The following WWP2 variants were observed in gnomAD, a reference collection of about 807,000 sequenced individuals.
WWP2 encodes WW domain containing E3 ubiquitin protein ligase 2, also known as NEDD4-like E3 ubiquitin-protein ligase WWP2.
Under a neutral mutation model 121.0 loss-of-function variants are expected in WWP2, and 57 were observed. That is an observed-to-expected ratio of 0.47 (90% CI 0.38 to 0.59). The LOEUF (loss-of-function observed/expected upper bound fraction) is 0.59, where lower values mean the gene tolerates loss of function less well. WWP2 is among the 20% of genes least tolerant of loss of function. The pLI is 0.00. For missense variants in WWP2, 962 were observed against 1,158.9 expected, an observed-to-expected ratio of 0.83 and a Z score of 2.47; for synonymous variants, 449 against 441.3, an observed-to-expected ratio of 1.02 and a Z score of -0.22.
At chr16:69,897,931 A>G (rs972569112) in intron 8 of WWP2, among the ~76,000 whole-genome samples, 27 of 151,964 alleles carry the variant, frequency 1.8e-4, no homozygotes, top group African/African-American at 6.5e-4. Flanking sequence ...AAAACAAAAC[A>G]AAACAAAAAA....
chr16:69,825,746 C>T (rs1212275018), intron 4 of WWP2, among the ~76,000 whole-genome samples: 1 of 151,392 alleles, frequency 6.6e-6, no homozygotes, highest in Admixed American at 6.6e-5. Context: ...CCACCTCAGC[C>T]TCCCAAGTAG....
At chr16:69,786,230 C>T (rs2055786694) in intron 1 of WWP2, 1 of 151,306 alleles carries the variant, frequency 6.6e-6, no homozygotes, top group Non-Finnish European at 1.5e-5. Context: ...CTGCACCCTC[C>T]ACCTCCCGGG....
At chr16:69,828,807 C>T (rs1021627096) in intron 4 of WWP2, among the ~76,000 whole-genome samples, 2 of 152,156 alleles carry the variant, frequency 1.3e-5, no homozygotes, top group Non-Finnish European at 2.9e-5. Flanking sequence ...ATTATTCCAT[C>T]CTCTTCTTCC....
At chr16:69,938,932 A>G (rs1441594493) in intron 21 of WWP2, 95 bp from the exon 22 acceptor site, 22 of 1,173,648 alleles carry the variant, frequency 1.9e-5, no homozygotes, top group Non-Finnish European at 2.7e-5. Flanking sequence ...TCTCAGCCCC[A>G]AAGAGGGGCC....
At chr16:69,920,833 C>T (rs527703004) in intron 10 of WWP2, among the ~76,000 whole-genome samples, 15 of 151,634 alleles carry the variant, frequency 9.9e-5, no homozygotes, top group African/African-American at 3.1e-4. Flanking sequence ...TTTTTTTTCC[C>T]TTAAAAGCCC....
In WWP2 at chr16:69,935,789, G is replaced by T; in HGVS notation, c.1843-64G>T. ...TAGCAGAGTTTGATACCGAGCATCT[G>T]AGAGCTGGTCTTGGCAGTGCCCAGG... On this transcript the variant is annotated intron_variant, in intron 17 of 23. Transcript: ENST00000359154. The surrounding 1 kb of genome is among the most constrained non-coding windows in gnomAD (Gnocchi z 5.2). The T allele has an allele frequency of 6.5e-7, 1 of 1,550,124 alleles. No individual in the cohort carries two copies. The highest frequency in any genetic ancestry group is 1.3e-5 in the South Asian group (1 of 79,524).
intron 1 of WWP2, among the ~76,000 whole-genome samples, chr16:69,769,316 C>CA (rs1186524809): frequency 0.09 from 6,844 of 76,346 alleles, 729 homozygotes; most frequent in African/African-American, 0.28. Flanking sequence ...GACTCCATCT[C>CA]AAAAAAAAAA....
intron 4 of WWP2, among the ~76,000 whole-genome samples, chr16:69,834,429 C>T (rs1001595002): frequency 6.6e-6 from 1 of 152,156 alleles, no homozygotes; most frequent in African/African-American, 2.4e-5. Flanking sequence ...CCCACATCCT[C>T]TCCCAGCTTA....
chr16:69,880,758 A>G (rs2057813256), intron 7 of WWP2, among the ~76,000 whole-genome samples: 1 of 152,176 alleles, frequency 6.6e-6, no homozygotes, highest in Admixed American at 6.5e-5. Flanking sequence ...CACGGGTGAA[A>G]GACACCAACT....
chr16:69,842,265 C>T, intron 6 of WWP2, 145 bp downstream of exon 6: 1 of 702,106 alleles, frequency 1.4e-6, no homozygotes, highest in Non-Finnish European at 2.4e-6. Context: ...GTTAAGAAAG[C>T]TAATAGAGGA....
chr16:69,839,328 G>A (rs1292637267), intron 4 of WWP2, among the ~76,000 whole-genome samples: 1 of 152,230 alleles, frequency 6.6e-6, no homozygotes, highest in Non-Finnish European at 1.5e-5. Context: ...GAAATATTCA[G>A]TGTGGACTAA....
At chr16:69,862,191 G>C (rs2057434353) in intron 6 of WWP2, among the ~76,000 whole-genome samples, 1 of 152,096 alleles carries the variant, frequency 6.6e-6, no homozygotes, top group African/African-American at 2.4e-5. Flanking sequence ...TCAGCCTCCT[G>C]AGTAGCTGGG....
At chr16:69,840,356 A>C in intron 5 of WWP2, 93 bp downstream of exon 5, 1 of 1,556,524 alleles carries the variant, frequency 6.4e-7, no homozygotes, top group African/African-American at 1.4e-5. Context: ...TTACTAGGCC[A>C]TCTTGGTTTG....
intron 4 of WWP2, among the ~76,000 whole-genome samples, chr16:69,828,555 G>A (rs903666236): frequency 1.3e-5 from 2 of 152,008 alleles, no homozygotes. Flanking sequence ...TCGTAGAGAC[G>A]GGTTTCTCCA....
At chr16:69,802,816 G>A (rs1178389997) in intron 4 of WWP2, among the ~76,000 whole-genome samples, 1 of 151,930 alleles carries the variant, frequency 6.6e-6, no homozygotes, top group Non-Finnish European at 1.5e-5. Flanking sequence ...TGTTGGCCAG[G>A]CTGGTCTCGA....
At position 69,937,662 on chromosome 16, in the gene WWP2, G is replaced by A. The variant is rs777235757; in HGVS notation, c.2343+10G>A. 1.9e-5 allele frequency: 30 copies of A among 1,613,408 alleles called. No homozygotes were observed. Among genetic ancestry groups the A allele is most frequent in the African/African-American group, 4.0e-5 (3 of 74,856 alleles). ...CCAGTGGTTCTGGCAGGTGGGTCCC[G>A]GGCCCAGGCCTTGGCAGGGACATTT... On this transcript the variant is annotated intron_variant, in intron 21 of 23. Transcript: ENST00000359154. The surrounding 1 kb of genome is among the most constrained non-coding windows in gnomAD (Gnocchi z 6.6).
intron 4 of WWP2, among the ~76,000 whole-genome samples, chr16:69,816,421 A>G (rs79319032): frequency 6.7e-6 from 1 of 148,414 alleles, no homozygotes; most frequent in African/African-American, 2.5e-5. Flanking sequence ...CCGCTCTATT[A>G]AAAAAAAATC....
intron 7 of WWP2, among the ~76,000 whole-genome samples, chr16:69,885,983 G>C (rs1051085098): frequency 6.6e-6 from 1 of 152,158 alleles, no homozygotes; most frequent in East Asian, 1.9e-4. Flanking sequence ...TCTCGAAGAG[G>C]GCAGCCAGAT....
chr16:69,937,041 C>A lies in WWP2; in HGVS notation c.2118-77C>A. 2 of 1,555,012 alleles carry A rather than the reference C, an allele frequency of 1.3e-6. No individual in the cohort carries two copies. The highest frequency in any genetic ancestry group is 2.1e-4 in the Middle Eastern group (1 of 4,692). ...CTGATCTGGTGGTCCTGCGCGGTAA[C>A]GGCCACGCGGCCTGGCCGGGAGCCA... On this transcript the variant is annotated intron_variant, in intron 19 of 23. Coordinates refer to ENST00000359154, the MANE Select transcript of WWP2 (RefSeq NM_001270454.2). This position sits in a 1 kb window ranked among gnomAD's most constrained non-coding sequence, Gnocchi z 6.6.
Sources: allele counts gnomAD v4.1 joint callset (sites outside exome capture counted in the v4.1 genomes callset), GRCh38; gene constraint gnomAD v4.1.1; non-coding constraint Gnocchi (gnomAD v3.1); transcripts MANE v1.5; gene names NCBI Gene and HGNC (gene_info 2026-07-23, HGNC 2026-07-21).